Variants in AGAP1 observed in about 807,000 individuals in gnomAD.
The protein encoded by AGAP1 is ArfGAP with GTPase domain, ankyrin repeat and PH domain 1.
Under a neutral mutation model 105.3 loss-of-function variants are expected in AGAP1, and 29 were observed. The ratio of observed to expected loss-of-function variants is 0.28; its 90% CI spans 0.21 to 0.38. The LOEUF (loss-of-function observed/expected upper bound fraction) is 0.38. AGAP1 is among the 10% of genes least tolerant of loss of function. The pLI is 1.00. For synonymous variants in AGAP1, 509 were observed against 485.9 expected (o/e 1.05, Z -0.63); for missense variants, 998 against 1,165.1 (o/e 0.86, Z 2.09).
intron 6 of AGAP1, among the ~76,000 whole-genome samples, chr2:235,765,396 C>G (rs1350228177): frequency 2.6e-5 from 4 of 152,058 alleles, no homozygotes; most frequent in African/African-American, 9.7e-5. Flanking sequence ...TCACGCTGCC[C>G]CCACAGGCCC....
At position 235,556,806 on chromosome 2, in the gene AGAP1, A is replaced by G. The variant is rs910733323; in HGVS notation, c.163+61957A>G. ...GCTTATTGTATATTTGAGAAGTGGCACTTATTTACCCTGGAGTGAATGTGT... is the reference window on the plus strand; with the variant it reads ...GCTTATTGTATATTTGAGAAGTGGCGCTTATTTACCCTGGAGTGAATGTGT... On this transcript the variant is annotated intron_variant, in intron 1 of 17. Coordinates refer to ENST00000304032, the MANE Select transcript of AGAP1 (RefSeq NM_001037131.3). The surrounding 1 kb of genome is among the most constrained non-coding windows in gnomAD (Gnocchi z 5.3). Among the ~76,000 whole-genome samples the G allele has an allele frequency of 3.4e-4, 52 of 152,200 alleles. No homozygotes were observed. The highest frequency in any genetic ancestry group is 1.2e-3 in the African/African-American group (50 of 41,462).
chr2:235,515,220 C>A (rs149400172), intron 1 of AGAP1, among the ~76,000 whole-genome samples: 11 of 152,138 alleles, frequency 7.2e-5, no homozygotes, highest in African/African-American at 2.7e-4. Flanking sequence ...GGATTTTATT[C>A]GAAGGATGTG....
intron 9 of AGAP1, among the ~76,000 whole-genome samples, chr2:235,827,776 G>T (rs1020085846): frequency 4.6e-5 from 7 of 152,222 alleles, no homozygotes; most frequent in African/African-American, 1.7e-4. Context: ...AAAGCTGTCA[G>T]AATACTGGAG....
Position 236,055,884 on chromosome 2 carries a change from G to C in AGAP1, c.2114+6603G>C, listed in dbSNP as rs899385000. On this transcript the variant is annotated intron_variant, in intron 16 of 17. Transcript: ENST00000304032. This position sits in a 1 kb window ranked among gnomAD's most constrained non-coding sequence, Gnocchi z 6.2. ...CTTCATGACTGGATGGTCCTCATTA[G>C]CACACTGCTAAATATGCTTCAGTTT... 1.3e-5 allele frequency among the ~76,000 whole-genome samples: 2 copies of C among 152,194 alleles called. No individual in the cohort carries two copies. The highest frequency in any genetic ancestry group is 2.4e-5 in the African/African-American group (1 of 41,458).
intron 10 of AGAP1, among the ~76,000 whole-genome samples, chr2:235,903,114 GATCT>G (rs942023011): frequency 5.9e-5 from 9 of 151,976 alleles, no homozygotes; most frequent in African/African-American, 2.2e-4. Flanking sequence ...TCTGAAAAGT[GATCT>G]ATCTTTTCAG....
At chr2:235,761,901 G>A (rs1221157013) in intron 6 of AGAP1, among the ~76,000 whole-genome samples, 2 of 151,960 alleles carry the variant, frequency 1.3e-5, no homozygotes, top group African/African-American at 4.8e-5. Flanking sequence ...CCTGAGGTCG[G>A]GAGTTCAAGA....
chr2:235,543,530 C>G (rs982636501), intron 1 of AGAP1, among the ~76,000 whole-genome samples: 1 of 152,202 alleles, frequency 6.6e-6, no homozygotes, highest in East Asian at 1.9e-4. Context: ...TGGGAAGAAC[C>G]GTGCTGGATT....
chr2:235,858,994 A>G (rs1361624923), intron 9 of AGAP1, among the ~76,000 whole-genome samples: 1 of 152,252 alleles, frequency 6.6e-6, no homozygotes, highest in East Asian at 1.9e-4. Context: ...TGTCTTCTAA[A>G]TAGAATGGAC....
chr2:235,790,382 A>C (rs560406119), intron 6 of AGAP1, among the ~76,000 whole-genome samples: 69 of 152,234 alleles, frequency 4.5e-4, no homozygotes, highest in Admixed American at 1.2e-3. Context: ...CTCAAAACAA[A>C]ATATATGTGT....
chr2:235,584,193 C>CTTTTTTTTTTTTTTTTTT lies in AGAP1; in HGVS notation c.163+89360_163+89361insTTTTTTTTTTTTTTTTTT, dbSNP rs11447483. On this transcript the variant is annotated intron_variant, in intron 1 of 17. Coordinates refer to ENST00000304032, the MANE Select transcript of AGAP1 (RefSeq NM_001037131.3). The stretch of plus-strand genomic sequence containing the variant: ...TTGAAGCATGACCCTCAATAAACCA[C>CTTTTTTTTTTTTTTTTTT]TTTTTTTTTTTTTTTTGCATGGAAA... 1.4e-5 allele frequency among the ~76,000 whole-genome samples: 2 copies of CTTTTTTTTTTTTTTTTTT among 139,984 alleles called. 1 individual carries two copies. 91.8% of individuals were successfully genotyped at this position (139,984 alleles called of 152,430 possible).
Position 235,824,163 on chromosome 2 carries a change from A to G in AGAP1, c.1050+16832A>G, listed in dbSNP as rs960493645. Among the ~76,000 whole-genome samples the G allele has an allele frequency of 2.0e-5, 3 of 152,370 alleles. No homozygotes were observed. The highest frequency in any genetic ancestry group is 4.4e-5 in the Non-Finnish European group (3 of 68,042). The stretch of plus-strand genomic sequence containing the variant: ...GGACTACTGCAGAAACGTTTTCTAA[A>G]TAGCGCCAACGCTGAGGGGTCTTCG... On this transcript the variant is annotated intron_variant, in intron 9 of 17. Coordinates refer to ENST00000304032, the MANE Select transcript of AGAP1 (RefSeq NM_001037131.3). This position sits in a 1 kb window ranked among gnomAD's most constrained non-coding sequence, Gnocchi z 5.2.
chr2:236,106,679 G>T (rs1261932100), intron 16 of AGAP1, among the ~76,000 whole-genome samples: 1 of 152,206 alleles, frequency 6.6e-6, no homozygotes, highest in East Asian at 1.9e-4. Flanking sequence ...CAGCTGGTGG[G>T]CAGGGCTCTC....
At chr2:235,823,415 T>A (rs1575558534) in intron 9 of AGAP1, among the ~76,000 whole-genome samples, 1 of 151,958 alleles carries the variant, frequency 6.6e-6, no homozygotes, top group Non-Finnish European at 1.5e-5. Flanking sequence ...GGACTATGGG[T>A]GCGAGCCACC....
At position 235,514,151 on chromosome 2, in the gene AGAP1, C is replaced by T. The variant is rs904188219; in HGVS notation, c.163+19302C>T. Among the ~76,000 whole-genome samples the T allele has an allele frequency of 1.2e-4, 10 of 83,550 alleles. No homozygotes were observed. The East Asian group carries it at 2.0e-3, about 17-fold the overall frequency. The allele number at this position is 83,550 out of a possible 152,430, so 54.8% of individuals were successfully genotyped here. A position where few individuals can be genotyped will look rare whatever the true frequency, so the allele number is the denominator to read the frequency against. ...ACCTTGGTGTGTGCCAGTGCATGCG[C>T]GTGCGCGCGCGCACACACACACACA... is the stretch of plus-strand genomic sequence containing the variant. On this transcript the variant is annotated intron_variant, in intron 1 of 17. Coordinates refer to ENST00000304032, the MANE Select transcript of AGAP1 (RefSeq NM_001037131.3).
At chr2:235,561,679 T>G (rs1009467346) in intron 1 of AGAP1, among the ~76,000 whole-genome samples, 4 of 152,186 alleles carry the variant, frequency 2.6e-5, no homozygotes, top group African/African-American at 9.6e-5. Flanking sequence ...ATTCAGTATT[T>G]GGAAAAAGTA....
At chr2:235,926,793 G>C (rs1421718888) in intron 11 of AGAP1, among the ~76,000 whole-genome samples, 1 of 152,208 alleles carries the variant, frequency 6.6e-6, no homozygotes, top group African/African-American at 2.4e-5. Flanking sequence ...GCAGTGGGGT[G>C]TGGGGAGGCA....
Position 235,962,687 on chromosome 2 carries a change from G to A in AGAP1, c.1484-5775G>A, listed in dbSNP as rs1243149916. Among the ~76,000 whole-genome samples, 2 of 152,198 alleles carry A rather than the reference G, an allele frequency of 1.3e-5. No homozygotes were observed. Among genetic ancestry groups the A allele is most frequent in the Non-Finnish European group, 2.9e-5 (2 of 68,034 alleles). ...GGGTGCTGGAGAGGACACCCAGGAG[G>A]CTGAGATGCAGACAGACCAAAATTC... On this transcript the variant is annotated intron_variant, in intron 12 of 17. Coordinates refer to ENST00000304032, the MANE Select transcript of AGAP1 (RefSeq NM_001037131.3). The surrounding 1 kb of genome is among the most constrained non-coding windows in gnomAD (Gnocchi z 5.3).
rs1025922788 is a variant in AGAP1, at chr2:235,787,502, G to C, written c.674-10257G>C. ...TAACACATTGGGAGAGAAAGGTGCA[G>C]ACAAGGTGTGCAGGAGGTGGATGTG... On this transcript the variant is annotated intron_variant, in intron 6 of 17. Coordinates refer to ENST00000304032, the MANE Select transcript of AGAP1 (RefSeq NM_001037131.3). The surrounding 1 kb of genome is among the most constrained non-coding windows in gnomAD (Gnocchi z 4.4). 1.3e-5 allele frequency among the ~76,000 whole-genome samples: 2 copies of C among 152,206 alleles called. No individual in the cohort carries two copies. The highest frequency in any genetic ancestry group is 6.5e-5 in the Admixed American group (1 of 15,288).
In AGAP1 at chr2:235,663,558, A is replaced by G. The variant is rs1258429950; in HGVS notation, c.164-45621A>G. On this transcript the variant is annotated intron_variant, in intron 1 of 17. Coordinates refer to ENST00000304032, the MANE Select transcript of AGAP1 (RefSeq NM_001037131.3). This position sits in a 1 kb window ranked among gnomAD's most constrained non-coding sequence, Gnocchi z 5.4. ...GCTCTTCCAGAAGCTGGGCTTTGTA[A>G]TGGGGCTGGCAAAAATTCCCAGGGC... 1.3e-5 allele frequency among the ~76,000 whole-genome samples: 2 copies of G among 152,192 alleles called. No individual in the cohort carries two copies. The highest frequency in any genetic ancestry group is 6.5e-5 in the Admixed American group (1 of 15,286).
Sources: allele counts gnomAD v4.1 joint callset (sites outside exome capture counted in the v4.1 genomes callset), GRCh38; gene constraint gnomAD v4.1.1; non-coding constraint Gnocchi (gnomAD v3.1); transcripts MANE v1.5; gene names NCBI Gene and HGNC (gene_info 2026-07-23, HGNC 2026-07-21).